KCTD8: variants seen among roughly 807,000 people sequenced by gnomAD.
The protein encoded by KCTD8 is BTB/POZ domain-containing protein KCTD8.
A neutral mutation model predicts 31.5 loss-of-function variants in KCTD8; 27 were observed. The ratio of observed to expected loss-of-function variants is 0.86; its 90% CI spans 0.63 to 1.18. The LOEUF (loss-of-function observed/expected upper bound fraction) is 1.18. KCTD8 is among the 50% of genes most tolerant of loss of function. The probability of loss-of-function intolerance (pLI) is 0.00; values close to 1 mark genes in which losing one functional copy is unlikely to be tolerated. For synonymous variants in KCTD8, 290 were observed against 280.0 expected, an observed-to-expected ratio of 1.04 and a Z score of -0.36; for missense variants, 658 against 647.7, an observed-to-expected ratio of 1.02 and a Z score of -0.17.
At chr4:44,263,270 A>G (rs1200640890) in intron 1 of KCTD8, among the ~76,000 whole-genome samples, 1 of 152,138 alleles carries the variant, frequency 6.6e-6, no homozygotes, top group African/African-American at 2.4e-5. Context: ...TGAAGGAACT[A>G]ATCTGTTTTG....
In KCTD8 at chr4:44,325,401, C is replaced by T. The variant is rs1316439920; in HGVS notation, c.961+122162G>A. The stretch of plus-strand genomic sequence containing the variant: ...TAGGTTCTTGTGAACATATGTTGGT[C>T]AAAGTATGAAGACAGAGCCTATTTT... On this transcript the variant is annotated intron_variant, in intron 1 of 1. Coordinates refer to ENST00000360029, the MANE Select transcript of KCTD8 (RefSeq NM_198353.3). 2.6e-5 allele frequency among the ~76,000 whole-genome samples: 4 copies of T among 151,864 alleles called. 1 individual carries two copies. Among genetic ancestry groups the T allele is most frequent in the African/African-American group, 9.7e-5 (4 of 41,246 alleles).
At chr4:44,322,352 G>A (rs1023850580) in intron 1 of KCTD8, among the ~76,000 whole-genome samples, 1 of 151,926 alleles carries the variant, frequency 6.6e-6, no homozygotes, top group Non-Finnish European at 1.5e-5. Flanking sequence ...GATTAATGAT[G>A]TTGAGCATTT....
At chr4:44,216,858 G>A (rs970734668) in intron 1 of KCTD8, among the ~76,000 whole-genome samples, 1 of 152,110 alleles carries the variant, frequency 6.6e-6, no homozygotes, top group Non-Finnish European at 1.5e-5. Context: ...GGCATATTAA[G>A]CATGCACAAG....
rs1209715021 is a variant in KCTD8 at position 44,336,912 on chromosome 4, C to T, written c.961+110651G>A. Among the ~76,000 whole-genome samples, 1,166 of 151,910 alleles carry T rather than the reference C, an allele frequency of 7.7e-3. 12 individuals are homozygous for T. Among genetic ancestry groups the T allele is most frequent in the African/African-American group, 0.027 (1,113 of 41,456 alleles). ...AATGAAACTGCCATATAACAAATCT[C>T]TAAACGAGAGAAGTCTGTTTAGTTT... is the stretch of plus-strand genomic sequence containing the variant. On this transcript the variant is annotated intron_variant, in intron 1 of 1. Transcript: ENST00000360029.
At chr4:44,314,472 T>C in intron 1 of KCTD8, among the ~76,000 whole-genome samples, 1 of 152,120 alleles carries the variant, frequency 6.6e-6, no homozygotes, top group East Asian at 1.9e-4. Flanking sequence ...TAATAAGATA[T>C]TTTATTTCCC....
chr4:44,282,914 A>G (rs760338148), intron 1 of KCTD8, among the ~76,000 whole-genome samples: 1 of 152,080 alleles, frequency 6.6e-6, no homozygotes, highest in Non-Finnish European at 1.5e-5. Context: ...AACTATTTCT[A>G]TAACAGAAAA....
At position 44,407,890 on chromosome 4, in the gene KCTD8, C is replaced by T. The variant is rs1305033257; in HGVS notation, c.961+39673G>A. 2.6e-5 allele frequency among the ~76,000 whole-genome samples: 4 copies of T among 152,270 alleles called. No homozygotes were observed. The East Asian group carries it at 7.7e-4, about 29-fold the overall frequency. ...TTCCTCAGGTTCTGCAAACAACCTA[C>T]ATCTCTTATTTGCTCATTTTTATTC... On this transcript the variant is annotated intron_variant, in intron 1 of 1. Coordinates refer to ENST00000360029, the MANE Select transcript of KCTD8 (RefSeq NM_198353.3).
At chr4:44,329,826 T>C (rs1718548674) in intron 1 of KCTD8, among the ~76,000 whole-genome samples, 2 of 152,006 alleles carry the variant, frequency 1.3e-5, no homozygotes, top group Admixed American at 1.3e-4. Context: ...GGAATAGTCT[T>C]TTTCACATAA....
At chr4:44,180,615 A>G (rs1713353462) in intron 1 of KCTD8, among the ~76,000 whole-genome samples, 1 of 151,752 alleles carries the variant, frequency 6.6e-6, no homozygotes, top group Admixed American at 6.6e-5. Flanking sequence ...ACACACACAC[A>G]CACACTTAGA....
chr4:44,374,669 C>T (rs1719873874), intron 1 of KCTD8, among the ~76,000 whole-genome samples: 1 of 152,014 alleles, frequency 6.6e-6, no homozygotes, highest in Admixed American at 6.6e-5. Context: ...CACTTAAAGG[C>T]CACTATAGGG....
intron 1 of KCTD8, among the ~76,000 whole-genome samples, chr4:44,352,117 T>C (rs1719219676): frequency 6.6e-6 from 1 of 152,102 alleles, no homozygotes; most frequent in Non-Finnish European, 1.5e-5. Flanking sequence ...TTTCTGTGGA[T>C]GAGTGCCAGG....
chr4:44,299,935 T>G (rs1384693905), intron 1 of KCTD8, among the ~76,000 whole-genome samples: 1 of 151,820 alleles, frequency 6.6e-6, no homozygotes, highest in African/African-American at 2.4e-5. Flanking sequence ...GTATTTTTAG[T>G]AGAGACGGGG....
At chr4:44,277,105 C>T (rs1044645651) in intron 1 of KCTD8, among the ~76,000 whole-genome samples, 47 of 151,706 alleles carry the variant, frequency 3.1e-4, no homozygotes, top group African/African-American at 1.0e-3. Context: ...AAAATATTAA[C>T]TAACTGATAA....
chr4:44,238,117 GT>G (rs1715344130), intron 1 of KCTD8, among the ~76,000 whole-genome samples: 1 of 151,926 alleles, frequency 6.6e-6, no homozygotes, highest in African/African-American at 2.4e-5. Flanking sequence ...ATGCTCTTCG[GT>G]TACTCAAACC....
intron 1 of KCTD8, among the ~76,000 whole-genome samples, chr4:44,232,032 G>T (rs1715132544): frequency 6.6e-6 from 1 of 152,016 alleles, no homozygotes; most frequent in Non-Finnish European, 1.5e-5. Flanking sequence ...CATATATATG[G>T]CAGAAAGATT....
intron 1 of KCTD8, among the ~76,000 whole-genome samples, chr4:44,376,496 T>C (rs566052806): frequency 5.3e-5 from 8 of 152,336 alleles, no homozygotes; most frequent in Non-Finnish European, 8.8e-5. Context: ...AAGTTTATTT[T>C]CTTTAGCCTT....
intron 1 of KCTD8, among the ~76,000 whole-genome samples, chr4:44,378,129 G>A (rs1436125898): frequency 6.7e-6 from 1 of 149,844 alleles, no homozygotes; most frequent in East Asian, 1.9e-4. Flanking sequence ...ACCTCTCTGA[G>A]ATAACTATTG....
chr4:44,436,329 C>A (rs546284978), intron 1 of KCTD8, among the ~76,000 whole-genome samples: 1 of 152,060 alleles, frequency 6.6e-6, no homozygotes, highest in African/African-American at 2.4e-5. Context: ...TTAATCAGCT[C>A]AACAAGACCT....
At position 44,343,891 on chromosome 4, in the gene KCTD8, G is replaced by A. The variant is rs576564654; in HGVS notation, c.961+103672C>T. Reference sequence around the variant, plus strand: ...TGTTTTGTTTTTGAGACACAGTCTCGCTCTGTCGCTAGGCTGGAGTGCAGT... The same window carrying A: ...TGTTTTGTTTTTGAGACACAGTCTCACTCTGTCGCTAGGCTGGAGTGCAGT... On this transcript the variant is annotated intron_variant, in intron 1 of 1. Transcript: ENST00000360029. 1.1e-4 allele frequency among the ~76,000 whole-genome samples: 17 copies of A among 151,930 alleles called. No individual in the cohort carries two copies. The South Asian group carries it at 1.7e-3, about 15-fold the overall frequency.
Sources: allele counts gnomAD v4.1 joint callset (sites outside exome capture counted in the v4.1 genomes callset), GRCh38; gene constraint gnomAD v4.1.1; transcripts MANE v1.5; gene names NCBI Gene and HGNC (gene_info 2026-07-23, HGNC 2026-07-21).